The following SUPT20H variants were observed in gnomAD, a reference collection of about 807,000 sequenced individuals.
SUPT20H encodes SPT20 homolog, SAGA complex component, also known as transcription factor SPT20 homolog.
SUPT20H carries 82 observed loss-of-function variants against 122.8 expected under a neutral mutation model. The observed-to-expected ratio is 0.67, with a 90% confidence interval of 0.56 to 0.80. The LOEUF (loss-of-function observed/expected upper bound fraction) is 0.80, where lower values mean the gene tolerates loss of function less well. Among genes scored for constraint, SUPT20H ranks in the 30% least tolerant of loss-of-function variants. The pLI is 0.00. For synonymous variants in SUPT20H, 291 were observed against 313.0 expected, an observed-to-expected ratio of 0.93 and a Z score of 0.74; for missense variants, 831 against 921.6, an observed-to-expected ratio of 0.90 and a Z score of 1.27.
At chr13:37,017,003 G>C (rs2060626308) in intron 23 of SUPT20H, among the ~76,000 whole-genome samples, 1 of 152,180 alleles carries the variant, frequency 6.6e-6, no homozygotes, top group South Asian at 2.1e-4. Context: ...TCACTGTATG[G>C]CTAAGAGCAA....
chr13:37,031,073 T>C (rs915922382), intron 12 of SUPT20H, among the ~76,000 whole-genome samples: 6 of 152,194 alleles, frequency 3.9e-5, no homozygotes, highest in Non-Finnish European at 7.3e-5. Flanking sequence ...ATAGTTCATG[T>C]ATATTATGGA....
chr13:37,018,258 A>C (rs2060875948), intron 22 of SUPT20H, among the ~76,000 whole-genome samples: 1 of 152,234 alleles, frequency 6.6e-6, no homozygotes, highest in African/African-American at 2.4e-5. Flanking sequence ...AGAAAAATAT[A>C]ACAAACTAAA....
chr13:37,056,471 T>C (rs2069064072), intron 1 of SUPT20H, among the ~76,000 whole-genome samples: 1 of 152,124 alleles, frequency 6.6e-6, no homozygotes, highest in South Asian at 2.1e-4. Flanking sequence ...TGCAGTGACA[T>C]GGATGAAGCT....
Position 37,040,437 on chromosome 13 carries a change from A to T in SUPT20H, c.535T>A (p.Ser179Thr). 1 of 1,581,858 alleles carries T rather than the reference A, an allele frequency of 6.3e-7. No homozygotes were observed. Among genetic ancestry groups the T allele is most frequent in the Non-Finnish European group, 8.5e-7 (1 of 1,170,870 alleles). Residue 179 changes from serine (S) to threonine (T), a missense_variant, in exon 9 of 26, where the codon TCA becomes ACA. Ser to Thr is a moderately conservative substitution (Grantham distance 58). Transcript: ENST00000350612. ...CATTTGTGGTTATCACTTGTTATTG[A>T]ATGTACATCACAAATTAAAGTCTAG... The part of the protein sequence containing the change: ...TMQTLICDVH[S>T]ITSDNHKWTQ...
At chr13:37,048,522 A>G in intron 3 of SUPT20H, 42 bp downstream of exon 3, 1 of 1,530,714 alleles carries the variant, frequency 6.5e-7, no homozygotes, top group Non-Finnish European at 8.8e-7. Context: ...TTTGTCAATT[A>G]AAGACAACAC....
In SUPT20H at chr13:37,047,860, C is replaced by G. The variant is rs778409001; in HGVS notation, c.98+18G>C. On this transcript the variant is annotated intron_variant, in intron 4 of 25. Coordinates refer to ENST00000350612, the MANE Select transcript of SUPT20H (RefSeq NM_001014286.3). The stretch of plus-strand genomic sequence containing the variant: ...ATATTTCAATGAATCTAAGATGTTA[C>G]CAATTAATTATTCATACCTTCCACT... The G allele has an allele frequency of 6.3e-7, 1 of 1,593,588 alleles. No homozygotes were observed. The highest frequency in any genetic ancestry group is 8.6e-7 in the Non-Finnish European group (1 of 1,168,748).
intron 9 of SUPT20H, among the ~76,000 whole-genome samples, chr13:37,036,780 TA>T (rs1215996121): frequency 2.6e-5 from 4 of 152,192 alleles, no homozygotes; most frequent in Non-Finnish European, 5.9e-5. Context: ...TGAAGACCTT[TA>T]ATATGATATA....
Position 37,022,142 on chromosome 13 carries a change from C to T in SUPT20H, c.1592-62G>A. ...TGGTTGTTACAGGCATTGCCTGGCT[C>T]AGAGACCTTTGCTGCTGAGCAAACT... On this transcript the variant is annotated intron_variant, in intron 19 of 25. Transcript: ENST00000350612. This position sits in a 1 kb window ranked among gnomAD's most constrained non-coding sequence, Gnocchi z 4.5. The T allele has an allele frequency of 6.2e-7, 1 of 1,614,052 alleles. No individual in the cohort carries two copies. Among genetic ancestry groups the T allele is most frequent in the East Asian group, 2.2e-5 (1 of 44,886 alleles).
Position 37,033,452 on chromosome 13 carries a change from T to G in SUPT20H, c.704A>C (p.Lys235Thr), listed in dbSNP as rs2063771919. The G allele has an allele frequency of 6.2e-7, 1 of 1,609,008 alleles. No individual in the cohort carries two copies. Among genetic ancestry groups the G allele is most frequent in the Non-Finnish European group, 8.5e-7 (1 of 1,177,860 alleles). Residue 235 changes from lysine to threonine, a missense_variant, in exon 10 of 26, where the codon AAA becomes ACA. Transcript: ENST00000350612. Reference sequence around the variant, plus strand: ...ACCCTTCCACAAAGGCAATTACCGTTTCATTGGGCGAGTGTTCATCTTTTG... The same window carrying G: ...ACCCTTCCACAAAGGCAATTACCGTGTCATTGGGCGAGTGTTCATCTTTTG... ...NKQKMNTRPM[K>T]RCFKRYSRSS...
chr13:37,045,387 A>T lies in SUPT20H; in HGVS notation c.166-14T>A, dbSNP rs753592094. On this transcript the variant is annotated splice_polypyrimidine_tract_variant and intron_variant, in intron 5 of 25. Transcript: ENST00000350612. ...TCTTCTTAATTTCTGCTTTAAAAAGAGGCAGAGCTCATGAAAATAATCCAG... is the reference window on the plus strand; with the variant it reads ...TCTTCTTAATTTCTGCTTTAAAAAGTGGCAGAGCTCATGAAAATAATCCAG... The T allele has an allele frequency of 6.2e-7, 1 of 1,612,504 alleles. No individual in the cohort carries two copies. The highest frequency in any genetic ancestry group is 8.5e-7 in the Non-Finnish European group (1 of 1,179,336).
chr13:37,028,619 A>G (rs1470059939), intron 13 of SUPT20H, among the ~76,000 whole-genome samples: 1 of 152,148 alleles, frequency 6.6e-6, no homozygotes. Context: ...TATAATAACA[A>G]TGAACATTAA....
chr13:37,053,729 C>G (rs2068270123), intron 1 of SUPT20H, among the ~76,000 whole-genome samples: 1 of 150,296 alleles, frequency 6.7e-6, no homozygotes, highest in East Asian at 2.0e-4. Context: ...CTATTTGATA[C>G]AAAAAACAAA....
At chr13:37,040,267 A>G in intron 9 of SUPT20H, 138 bp downstream of exon 9, 4 of 760,440 alleles carry the variant, frequency 5.3e-6, no homozygotes, top group Non-Finnish European at 8.2e-6. Context: ...TAGATCTTAT[A>G]AAGGAATACC....
At chr13:37,024,524 GTTTA>G in intron 17 of SUPT20H, 82 bp from the exon 18 acceptor site, 1 of 954,410 alleles carries the variant, frequency 1.0e-6, no homozygotes, top group South Asian at 2.9e-5. Flanking sequence ...TAACTTCATA[GTTTA>G]TTAAATAAAA....
chr13:37,047,603 T>TA lies in SUPT20H; in HGVS notation c.99-3dup. 3 of 1,382,760 alleles carry TA rather than the reference T, an allele frequency of 2.2e-6. No homozygotes were observed. The highest frequency in any genetic ancestry group is 2.2e-4 in the Middle Eastern group (1 of 4,554). The allele number at this position is 1,382,760 out of a possible 1,614,324, so 85.7% of individuals were successfully genotyped here. On this transcript the variant is annotated splice_region_variant and splice_polypyrimidine_tract_variant and intron_variant, in intron 4 of 25. Transcript: ENST00000350612. ...TAAAGTTTTTGAAATACAGATTTTC[T>TA]AAAAAAATTTAATGAAACAAATATA...
At chr13:37,053,072 T>C (rs2068096543) in intron 1 of SUPT20H, among the ~76,000 whole-genome samples, 1 of 152,198 alleles carries the variant, frequency 6.6e-6, no homozygotes, top group South Asian at 2.1e-4. Context: ...CTGTTGGTGG[T>C]AGTGTAAATT....
intron 1 of SUPT20H, chr13:37,056,935 C>A (rs1190876192): frequency 6.6e-6 from 1 of 152,084 alleles, no homozygotes; most frequent in East Asian, 1.9e-4. Flanking sequence ...TTTGGAGCTC[C>A]CCAGACGAGT....
intron 5 of SUPT20H, among the ~76,000 whole-genome samples, chr13:37,046,114 T>G (rs2066370026): frequency 6.6e-6 from 1 of 152,114 alleles, no homozygotes; most frequent in Non-Finnish European, 1.5e-5. Flanking sequence ...ATCTTATATT[T>G]AGTAAATATA....
chr13:37,045,679 T>C (rs1341565495), intron 5 of SUPT20H, among the ~76,000 whole-genome samples: 1 of 152,130 alleles, frequency 6.6e-6, no homozygotes, highest in Non-Finnish European at 1.5e-5. Flanking sequence ...AATAAAAATA[T>C]TTAAATAAGT....
Sources: allele counts gnomAD v4.1 joint callset (sites outside exome capture counted in the v4.1 genomes callset), GRCh38; gene constraint gnomAD v4.1.1; non-coding constraint Gnocchi (gnomAD v3.1); transcripts MANE v1.5; gene names NCBI Gene and HGNC (gene_info 2026-07-23, HGNC 2026-07-21).